Variants in ZNF471 observed in about 807,000 individuals in gnomAD.
ZNF471 encodes the protein zinc finger protein 471, also known as EZFIT-related protein 1.
ZNF471 carries 7 observed loss-of-function variants against 13.7 expected under a neutral mutation model. The observed-to-expected ratio is 0.51, with a 90% CI of 0.29 to 0.96. The LOEUF is 0.96. ZNF471 is among the 40% of genes least tolerant of loss of function. The pLI, the probability that ZNF471 is intolerant of heterozygous loss-of-function variation, is 0.08. For synonymous variants in ZNF471, 218 were observed against 235.6 expected (o/e 0.93, Z 0.68); for missense variants, 663 against 743.3 (o/e 0.89, Z 1.26).
chr19:56,526,440 C>G lies in ZNF471; in HGVS notation c.*492C>G, dbSNP rs2044049125. Reference sequence around the variant, plus strand: ...GGGTTTCAAGCACAAAACTGGGCGGCCATTCGGGCAGACACCGAGCTAGCT... The same window carrying G: ...GGGTTTCAAGCACAAAACTGGGCGGGCATTCGGGCAGACACCGAGCTAGCT... On this transcript the variant is annotated 3_prime_UTR_variant, in exon 5 of 5. Coordinates refer to ENST00000308031, the MANE Select transcript of ZNF471 (RefSeq NM_020813.4). The G allele has an allele frequency of 6.5e-6, 1 of 153,572 alleles. No homozygotes were observed. Among genetic ancestry groups the G allele is most frequent in the Non-Finnish European group, 1.4e-5 (1 of 69,092 alleles). 9.5% of individuals were successfully genotyped at this position (153,572 alleles called of 1,614,324 possible). A position where few individuals can be genotyped will look rare whatever the true frequency, so the allele number is the denominator to read the frequency against.
chr19:56,528,575 A>G lies in ZNF471; in HGVS notation c.*2627A>G, dbSNP rs1407463100. 1 of 152,222 alleles carries G rather than the reference A, an allele frequency of 6.6e-6. No homozygotes were observed. Among genetic ancestry groups the G allele is most frequent in the African/African-American group, 2.4e-5 (1 of 41,456 alleles). 9.4% of individuals were successfully genotyped at this position (152,222 alleles called of 1,614,324 possible). On this transcript the variant is annotated 3_prime_UTR_variant, in exon 5 of 5. Transcript: ENST00000308031. Reference sequence around the variant, plus strand: ...TATCTTAAGGTAGATGGTGATTAGCACATGTAGTATGCTTAACATTTAATA... The same window carrying G: ...TATCTTAAGGTAGATGGTGATTAGCGCATGTAGTATGCTTAACATTTAATA...
chr19:56,526,238 T>G lies in ZNF471; in HGVS notation c.*290T>G. On this transcript the variant is annotated 3_prime_UTR_variant, in exon 5 of 5. Coordinates refer to ENST00000308031, the MANE Select transcript of ZNF471 (RefSeq NM_020813.4). ...GGGTGAGCTGAAGCAGGGTGGGGCG[T>G]AACCTCACCTGGGAAGTGCAAGGAG... The G allele has an allele frequency of 3.4e-6, 1 of 292,762 alleles. No individual in the cohort carries two copies. The allele number at this position is 292,762 out of a possible 1,614,324, so 18.1% of individuals were successfully genotyped here.
chr19:56,520,650 T>C (rs987684483), intron 4 of ZNF471, among the ~76,000 whole-genome samples: 5 of 152,080 alleles, frequency 3.3e-5, no homozygotes, highest in African/African-American at 1.2e-4. Context: ...TGAGTGGGAT[T>C]ATTACCTTTA....
chr19:56,516,252 TAAG>T lies in ZNF471; in HGVS notation c.34-20_34-18del. On this transcript the variant is annotated intron_variant, in intron 2 of 4. Transcript: ENST00000308031. The surrounding 1 kb of genome is among the most constrained non-coding windows in gnomAD (Gnocchi z 4.4). ...TCTTTGGACACGAGCATTGGTTGGT[TAAG>T]AATATATTTGTCACTTCAGGACTTA... The T allele has an allele frequency of 1.9e-6, 3 of 1,610,982 alleles. No individual in the cohort carries two copies. The highest frequency in any genetic ancestry group is 2.5e-6 in the Non-Finnish European group (3 of 1,178,186).
intron 4 of ZNF471, among the ~76,000 whole-genome samples, chr19:56,521,642 A>AC (rs1370695572): frequency 1.4e-5 from 2 of 140,004 alleles, no homozygotes; most frequent in Non-Finnish European, 3.2e-5. Context: ...CTGTCTCAAA[A>AC]AAAAAAAAAA....
At chr19:56,518,359 A>C in intron 3 of ZNF471, 123 bp from the exon 4 acceptor site, 1 of 714,310 alleles carries the variant, frequency 1.4e-6, no homozygotes, top group Non-Finnish European at 2.4e-6. Flanking sequence ...TCTGTCCTTC[A>C]GATGTGCTTT....
In ZNF471 at chr19:56,508,617, G is replaced by A. The variant is rs1406255796; in HGVS notation, c.-56+697G>A. On this transcript the variant is annotated intron_variant, in intron 1 of 4. Transcript: ENST00000308031. The surrounding 1 kb of genome is among the most constrained non-coding windows in gnomAD (Gnocchi z 4.7). ...GAGAGAGAAGAATCACCATGTATGC[G>A]AGACTAGACTGTGCAAGAACAGAGT... 6.6e-6 allele frequency among the ~76,000 whole-genome samples: 1 copy of A among 151,786 alleles called. No homozygotes were observed. Among genetic ancestry groups the A allele is most frequent in the Non-Finnish European group, 1.5e-5 (1 of 68,002 alleles).
Position 56,509,752 on chromosome 19 carries a change from TGTA to T in ZNF471, c.-55-1763_-55-1761del, listed in dbSNP as rs1223391894. The T allele has an allele frequency of 1.9e-4, 62 of 334,594 alleles. 2 individuals carry two copies. The South Asian group carries it at 6.8e-3, about 37-fold the overall frequency. The allele number at this position is 334,594 out of a possible 1,614,324, so 20.7% of individuals were successfully genotyped here. ...GTGTGTGTGTGTGTGTGTGTGTGTG[TGTA>T]GATCCCCACACATCTGGTCTTAGAA... On this transcript the variant is annotated intron_variant, in intron 1 of 4. Coordinates refer to ENST00000308031, the MANE Select transcript of ZNF471 (RefSeq NM_020813.4).
chr19:56,519,105 A>T (rs2043934305), intron 4 of ZNF471, among the ~76,000 whole-genome samples: 1 of 152,068 alleles, frequency 6.6e-6, no homozygotes, highest in South Asian at 2.1e-4. Context: ...TTGCTAAATT[A>T]TGTGAGATAC....
At position 56,524,994 on chromosome 19, in the gene ZNF471, G is replaced by C. The variant is rs1301751444; in HGVS notation, c.927G>C (p.Gln309His). The stretch of plus-strand genomic sequence containing the variant: ...AGCCTGCACACCTTGCTCAGCATCA[G>C]AGAATTCATACTGGAGAGAAACCCT... ...FRQPAHLAQH[Q>H]RIHTGEKPYE... The change falls in exon 5 of 5, where the codon CAG (glutamine) becomes CAC (histidine). Residue 309 changes from glutamine to histidine, a missense_variant. Transcript: ENST00000308031. The surrounding 1 kb of genome is among the most constrained non-coding windows in gnomAD (Gnocchi z 4.8). 7 of 1,614,106 alleles carry C rather than the reference G, an allele frequency of 4.3e-6. No individual in the cohort carries two copies. The highest frequency in any genetic ancestry group is 5.9e-6 in the Non-Finnish European group (7 of 1,180,014).
chr19:56,508,304 C>A lies in ZNF471; in HGVS notation c.-56+384C>A, dbSNP rs1294295504. Among the ~76,000 whole-genome samples the A allele has an allele frequency of 6.7e-6, 1 of 149,596 alleles. No homozygotes were observed. The highest frequency in any genetic ancestry group is 6.7e-5 in the Admixed American group (1 of 15,024). Reference sequence around the variant, plus strand: ...CAGGGTATGTTCGTGTGTGACAGAGCGAGACGGGCCAGTGTGAGAGACCAG... The same window carrying A: ...CAGGGTATGTTCGTGTGTGACAGAGAGAGACGGGCCAGTGTGAGAGACCAG... On this transcript the variant is annotated intron_variant, in intron 1 of 4. Transcript: ENST00000308031. The surrounding 1 kb of genome is among the most constrained non-coding windows in gnomAD (Gnocchi z 4.7).
chr19:56,508,570 TGA>T lies in ZNF471; in HGVS notation c.-56+654_-56+655del, dbSNP rs1201284485. Among the ~76,000 whole-genome samples, 3 of 151,020 alleles carry T rather than the reference TGA, an allele frequency of 2.0e-5. No homozygotes were observed. The highest frequency in any genetic ancestry group is 4.4e-5 in the Non-Finnish European group (3 of 67,790). ...CGGTCGGTCGGTGGGTGAGGCTCAATGAGAGGCCGGTGTGTGTTCGAGAGAGA... is the reference window on the plus strand; with the variant it reads ...CGGTCGGTCGGTGGGTGAGGCTCAATGAGGCCGGTGTGTGTTCGAGAGAGA... On this transcript the variant is annotated intron_variant, in intron 1 of 4. Transcript: ENST00000308031. This position sits in a 1 kb window ranked among gnomAD's most constrained non-coding sequence, Gnocchi z 4.7.
intron 3 of ZNF471, among the ~76,000 whole-genome samples, chr19:56,517,318 T>G (rs965958620): frequency 8.1e-5 from 12 of 148,162 alleles, no homozygotes; most frequent in Non-Finnish European, 3.0e-5. Flanking sequence ...TTTTTTTTTT[T>G]TTGAAACGGA....
intron 4 of ZNF471, among the ~76,000 whole-genome samples, chr19:56,521,949 A>AT (rs1389342466): frequency 1.3e-5 from 2 of 152,132 alleles, no homozygotes; most frequent in Non-Finnish European, 2.9e-5. Flanking sequence ...TGTCTCAAAA[A>AT]ATATATATAA....
intron 2 of ZNF471, among the ~76,000 whole-genome samples, chr19:56,514,174 G>T (rs1219976404): frequency 6.7e-6 from 1 of 148,764 alleles, no homozygotes; most frequent in Non-Finnish European, 1.5e-5. Flanking sequence ...CAATTCTCGT[G>T]CCTCGGCCAC....
At position 56,507,884 on chromosome 19, in the gene ZNF471, T is replaced by C. The variant is rs2043753106; in HGVS notation, c.-92T>C. The C allele has an allele frequency of 1.1e-6, 1 of 937,694 alleles. No individual in the cohort carries two copies. The highest frequency in any genetic ancestry group is 1.3e-6 in the Non-Finnish European group (1 of 785,036). The allele number at this position is 937,694 out of a possible 1,614,324, so 58.1% of individuals were successfully genotyped here. ...TTCCAGCGTCGACTCACGGAGTCCTTCGGATGAGAGCGTCTGGGTGCCAGA... is the reference window on the plus strand; with the variant it reads ...TTCCAGCGTCGACTCACGGAGTCCTCCGGATGAGAGCGTCTGGGTGCCAGA... On this transcript the variant is annotated 5_prime_UTR_variant, in exon 1 of 5. Coordinates refer to ENST00000308031, the MANE Select transcript of ZNF471 (RefSeq NM_020813.4).
At chr19:56,523,355 C>T (rs570793356) in intron 4 of ZNF471, among the ~76,000 whole-genome samples, 1 of 148,830 alleles carries the variant, frequency 6.7e-6, no homozygotes. Context: ...GAGTGAAACC[C>T]TCTTTTTTTT....
At position 56,529,370 on chromosome 19, in the gene ZNF471, G is replaced by GGAAATATT. The variant is rs3841262; in HGVS notation, c.*3423_*3424insAAATATTG. ...TTCTATACTCATTACAGATGTAAGA[G>GGAAATATT]GTTAAGATGGTAGAGGAGAATGTAG... On this transcript the variant is annotated 3_prime_UTR_variant, in exon 5 of 5. Transcript: ENST00000308031. The GGAAATATT allele has an allele frequency of 1.3e-5, 2 of 151,656 alleles. No homozygotes were observed. The highest frequency in any genetic ancestry group is 2.9e-5 in the Non-Finnish European group (2 of 67,826). The allele number at this position is 151,656 out of a possible 1,614,324, so 9.4% of individuals were successfully genotyped here.
chr19:56,510,625 C>T lies in ZNF471; in HGVS notation c.-55-892C>T. 2 of 985,696 alleles carry T rather than the reference C, an allele frequency of 2.0e-6. No homozygotes were observed. Among genetic ancestry groups the T allele is most frequent in the Non-Finnish European group, 2.4e-6 (2 of 830,062 alleles). The allele number at this position is 985,696 out of a possible 1,614,324, so 61.1% of individuals were successfully genotyped here. A position where few individuals can be genotyped will look rare whatever the true frequency, so the allele number is the denominator to read the frequency against. On this transcript the variant is annotated intron_variant, in intron 1 of 4. Coordinates refer to ENST00000308031, the MANE Select transcript of ZNF471 (RefSeq NM_020813.4). This position sits in a 1 kb window ranked among gnomAD's most constrained non-coding sequence, Gnocchi z 4.3. ...TTTGGGGTGCTTGTGATTGTGTCCTCCGTGTGACCATGAAACCTGTGTTAG... is the reference window on the plus strand; with the variant it reads ...TTTGGGGTGCTTGTGATTGTGTCCTTCGTGTGACCATGAAACCTGTGTTAG...
Sources: allele counts gnomAD v4.1 joint callset (sites outside exome capture counted in the v4.1 genomes callset), GRCh38; gene constraint gnomAD v4.1.1; non-coding constraint Gnocchi (gnomAD v3.1); transcripts MANE v1.5; gene names NCBI Gene and HGNC (gene_info 2026-07-23, HGNC 2026-07-21).